The following SV2C variants were observed in gnomAD, a reference collection of about 807,000 sequenced individuals.
SV2C encodes the protein synaptic vesicle glycoprotein 2C.
A neutral mutation model predicts 79.7 loss-of-function variants in SV2C; 49 were observed. The ratio of observed to expected loss-of-function variants is 0.61; its 90% CI spans 0.49 to 0.78. SV2C has a LOEUF of 0.78. SV2C is among the 30% of genes least tolerant of loss of function. SV2C has a pLI of 0.00. For synonymous variants in SV2C, 334 were observed against 333.2 expected, an observed-to-expected ratio of 1.00 and a Z score of -0.03; for missense variants, 833 against 912.9, an observed-to-expected ratio of 0.91 and a Z score of 1.13.
In SV2C at chr5:76,132,246, G is replaced by A. The variant is rs779809294; in HGVS notation, c.496G>A (p.Gly166Ser). The A allele has an allele frequency of 7.7e-5, 125 of 1,613,970 alleles. 1 individual carries two copies. Among genetic ancestry groups the A allele is most frequent in the Non-Finnish European group, 9.2e-5 (108 of 1,180,000 alleles). Residue 166 changes from glycine to serine, a missense_variant, in exon 2 of 13, where the codon GGT becomes AGT. Physicochemically the swap from Gly to Ser is moderately conservative, Grantham distance 56 (BLOSUM62 0). Coordinates refer to ENST00000502798, the MANE Select transcript of SV2C (RefSeq NM_014979.4). The part of the protein sequence containing the change: ...FVLGMALMAD[G>S]VEVFVVGFVL... Reference sequence around the variant, plus strand: ...CCTGGGCATGGCTCTTATGGCAGACGGTGTAGAGGTGTTTGTCGTTGGCTT... The same window carrying A: ...CCTGGGCATGGCTCTTATGGCAGACAGTGTAGAGGTGTTTGTCGTTGGCTT...
chr5:76,202,616 C>G (rs1348040144), intron 3 of SV2C, among the ~76,000 whole-genome samples: 1 of 152,178 alleles, frequency 6.6e-6, no homozygotes, highest in Non-Finnish European at 1.5e-5. Flanking sequence ...AGGGAAAGAC[C>G]TTCCCCAATA....
chr5:76,063,818 T>G, the SV2C span, among the ~76,000 whole-genome samples: 1 of 152,168 alleles, frequency 6.6e-6, no homozygotes, highest in Non-Finnish European at 1.5e-5. Context: ...CCAAGAAACT[T>G]GCATTTTATT....
At chr5:75,959,096 T>C in the SV2C span, among the ~76,000 whole-genome samples, 3,129 of 152,086 alleles carry the variant, frequency 0.021, 94 homozygotes, top group African/African-American at 0.069. Flanking sequence ...TCATTTTTTA[T>C]TAAGCAAGTG....
At chr5:76,190,030 A>G (rs12153396) in intron 2 of SV2C, among the ~76,000 whole-genome samples, 15,566 of 152,260 alleles carry the variant, frequency 0.1, 942 homozygotes, top group Non-Finnish European at 0.13. Flanking sequence ...CTCTTCAGAA[A>G]CATAAAGTGC....
intron 3 of SV2C, among the ~76,000 whole-genome samples, chr5:76,206,158 A>G (rs2091488880): frequency 6.6e-6 from 1 of 152,228 alleles, no homozygotes; most frequent in Admixed American, 6.5e-5. Context: ...TTTTTAATTT[A>G]TAAGATTTGG....
At chr5:76,066,144 C>T in the SV2C span, among the ~76,000 whole-genome samples, 1 of 152,122 alleles carries the variant, frequency 6.6e-6, no homozygotes, top group South Asian at 2.1e-4. Context: ...AAGACACATG[C>T]ACACGTATGT....
chr5:75,999,652 C>CTTT, the SV2C span, among the ~76,000 whole-genome samples: 9 of 148,862 alleles, frequency 6.0e-5, no homozygotes, highest in African/African-American at 2.0e-4. Context: ...TCTTCTCTGC[C>CTTT]TTTTTTTTTT....
intron 1 of SV2C, among the ~76,000 whole-genome samples, chr5:76,111,063 C>T (rs1748080092): frequency 6.6e-6 from 1 of 152,146 alleles, no homozygotes; most frequent in Admixed American, 6.5e-5. Context: ...TATAAATGTG[C>T]AATGCAGATG....
chr5:76,017,468 A>G, the SV2C span, among the ~76,000 whole-genome samples: 11 of 152,024 alleles, frequency 7.2e-5, no homozygotes, highest in East Asian at 1.9e-4. Flanking sequence ...TTGTATTTTT[A>G]GTAGAGATGG....
chr5:75,947,498 C>T, the SV2C span, among the ~76,000 whole-genome samples: 1 of 150,756 alleles, frequency 6.6e-6, no homozygotes, highest in South Asian at 2.1e-4. Flanking sequence ...AAATTCTTGT[C>T]CCTCAGACTC....
the SV2C span, among the ~76,000 whole-genome samples, chr5:76,028,208 T>A: frequency 6.6e-6 from 1 of 152,188 alleles, no homozygotes; most frequent in Non-Finnish European, 1.5e-5. Flanking sequence ...TTTGTTTTTG[T>A]CTCTCTGGAT....
At chr5:76,209,524 T>C (rs1744703736) in intron 3 of SV2C, among the ~76,000 whole-genome samples, 1 of 152,170 alleles carries the variant, frequency 6.6e-6, no homozygotes, top group Non-Finnish European at 1.5e-5. Flanking sequence ...CATAGCTTAA[T>C]TGCAGGTTCA....
At chr5:75,851,741 C>T in the SV2C span, among the ~76,000 whole-genome samples, 12 of 152,248 alleles carry the variant, frequency 7.9e-5, no homozygotes, top group East Asian at 2.3e-3. Context: ...CCCGGGTTCA[C>T]GCCATTCTGC....
chr5:76,205,518 T>A (rs923386344), intron 3 of SV2C, among the ~76,000 whole-genome samples: 1 of 152,114 alleles, frequency 6.6e-6, no homozygotes, highest in Non-Finnish European at 1.5e-5. Flanking sequence ...CTGAGAAAAA[T>A]TCTTTATAAG....
the SV2C span, among the ~76,000 whole-genome samples, chr5:76,074,853 A>G: frequency 4.6e-5 from 7 of 152,214 alleles, no homozygotes; most frequent in Non-Finnish European, 1.0e-4. Context: ...TTGGAATACA[A>G]CAGATGGAGA....
chr5:76,335,996 G>A (rs1297345583), downstream of SV2C, among the ~76,000 whole-genome samples: 3 of 151,988 alleles, frequency 2.0e-5, no homozygotes, highest in Admixed American at 1.3e-4. Context: ...CAGTAGGGGC[G>A]GCCGGGCAGA....
chr5:75,991,826 A>G, the SV2C span, among the ~76,000 whole-genome samples: 1 of 151,704 alleles, frequency 6.6e-6, no homozygotes, highest in Non-Finnish European at 1.5e-5. Flanking sequence ...AGCAACACCT[A>G]CTGATTGGAA....
chr5:75,934,104 TTTGGACAGCTGAAAGTGATTTATCCA>T, the SV2C span, among the ~76,000 whole-genome samples: 1 of 152,092 alleles, frequency 6.6e-6, no homozygotes, highest in African/African-American at 2.4e-5. Flanking sequence ...TTTTATGGAG[TTTGGACAGCTGAAAGTGATTTATCCA>T]AGGTAAGAGG....
At chr5:76,026,876 A>G in the SV2C span, among the ~76,000 whole-genome samples, 2 of 152,088 alleles carry the variant, frequency 1.3e-5, no homozygotes, top group Non-Finnish European at 2.9e-5. Flanking sequence ...ATGGAGGTGG[A>G]TGAGGTGCAA....
Sources: gnomAD v4.1 joint callset for allele counts (sites outside exome capture counted in the v4.1 genomes callset) on GRCh38, gnomAD v4.1.1 for gene constraint, MANE v1.5 for transcripts, NCBI Gene and HGNC (gene_info 2026-07-23, HGNC 2026-07-21) for gene names.